The following TBX19 variants were observed in gnomAD, a reference collection of about 807,000 sequenced individuals.
The protein encoded by TBX19 is T-box transcription factor 19, also known as T-box transcription factor TBX19.
A neutral mutation model predicts 40.9 loss-of-function variants in TBX19; 33 were observed. That is an observed-to-expected ratio of 0.81 (90% CI 0.61 to 1.08). TBX19 has a LOEUF of 1.08. Among genes scored for constraint, TBX19 ranks in the 50% least tolerant of loss-of-function variants. The probability of loss-of-function intolerance (pLI) is 0.00; values close to 1 mark genes in which losing one functional copy is unlikely to be tolerated. For missense variants in TBX19, 494 were observed against 574.0 expected, an observed-to-expected ratio of 0.86 and a Z score of 1.42; for synonymous variants, 220 against 225.0, an observed-to-expected ratio of 0.98 and a Z score of 0.20.
rs552488405 is a variant in TBX19, at chr1:168,298,553, A to G, written c.665+768A>G. ...TCGGAGACTTCTGGGGGTATGAGTG[A>G]TGATTCTGCTACTTCGGGGCAGCGA... On this transcript the variant is annotated intron_variant, in intron 4 of 7. Transcript: ENST00000367821. 3.8e-4 allele frequency among the ~76,000 whole-genome samples: 58 copies of G among 152,276 alleles called. 1 individual carries two copies. The highest frequency in any genetic ancestry group is 1.3e-3 in the African/African-American group (53 of 41,542).
intron 7 of TBX19, among the ~76,000 whole-genome samples, chr1:168,312,085 G>A (rs1649538747): frequency 6.6e-6 from 1 of 152,234 alleles, no homozygotes; most frequent in Non-Finnish European, 1.5e-5. Context: ...GCGGAGACCA[G>A]GAATGGAAGA....
At chr1:168,309,287 C>T (rs538046609) in intron 7 of TBX19, among the ~76,000 whole-genome samples, 33 of 152,172 alleles carry the variant, frequency 2.2e-4, no homozygotes, top group East Asian at 2.1e-3. Context: ...GCAGGAGAAT[C>T]GCTTGAACCC....
chr1:168,300,312 TTTCTTA>T, intron 4 of TBX19, 104 bp from the exon 5 acceptor site: 1 of 1,026,508 alleles, frequency 9.7e-7, no homozygotes, highest in South Asian at 1.4e-5. Context: ...GGTGTTTGGT[TTTCTTA>T]TTCTAAGAAA....
At chr1:168,309,839 A>G (rs2102363691) in intron 7 of TBX19, among the ~76,000 whole-genome samples, 1 of 152,328 alleles carries the variant, frequency 6.6e-6, no homozygotes, top group East Asian at 1.9e-4. Context: ...TATCGGTATC[A>G]TGGAAATAAT....
chr1:168,293,284 A>AGTGTTT lies in TBX19; in HGVS notation c.603+10_603+11insTTGTGT, dbSNP rs746785887. On this transcript the variant is annotated splice_region_variant and intron_variant, in intron 3 of 7. Coordinates refer to ENST00000367821, the MANE Select transcript of TBX19 (RefSeq NM_005149.3). ...CTGCCTATCAGAATGAGGAGGTAAG[A>AGTGTTT]GTGTGTGTGTGTGTGTGTGTGTGTG... is the stretch of plus-strand genomic sequence containing the variant. 4.7e-3 allele frequency: 6,267 copies of AGTGTTT among 1,320,636 alleles called. 69 individuals carry two copies. The highest frequency in any genetic ancestry group is 0.033 in the African/African-American group (1,733 of 52,670). 81.8% of individuals were successfully genotyped at this position (1,320,636 alleles called of 1,614,324 possible).
At chr1:168,297,829 T>C (rs1649151330) in intron 4 of TBX19, 44 bp downstream of exon 4, 2 of 1,476,784 alleles carry the variant, frequency 1.4e-6, no homozygotes, top group African/African-American at 1.4e-5. Context: ...GAATGATTTA[T>C]GCAAATACAA....
At chr1:168,301,922 C>T (rs141596599) in intron 5 of TBX19, among the ~76,000 whole-genome samples, 195 of 152,310 alleles carry the variant, frequency 1.3e-3, no homozygotes, top group African/African-American at 4.4e-3. Flanking sequence ...TGAAGCTGCT[C>T]CTCACACTCA....
chr1:168,312,879 G>A lies in TBX19; in HGVS notation c.1224G>A (p.Leu408=), dbSNP rs149058755. 6.2e-7 allele frequency: 1 copy of A among 1,614,234 alleles called. No individual in the cohort carries two copies. The highest frequency in any genetic ancestry group is 8.5e-7 in the Non-Finnish European group (1 of 1,180,038). The change falls in exon 8 of 8, where the codon CTG becomes CTA. Residue 408 remains leucine (L), a synonymous_variant. Transcript: ENST00000367821. The part of the protein sequence containing the change: ...QAPTSAGVEV[L]GEPSLTSIAV... Reference sequence around the variant, plus strand: ...CCACTTCGGCTGGTGTGGAGGTTCTGGGGGAGCCCTCGCTAACCAGCATTG... The same window carrying A: ...CCACTTCGGCTGGTGTGGAGGTTCTAGGGGAGCCCTCGCTAACCAGCATTG...
intron 6 of TBX19, among the ~76,000 whole-genome samples, chr1:168,305,406 TA>T (rs970969407): frequency 4.2e-4 from 53 of 125,752 alleles, no homozygotes; most frequent in Non-Finnish European, 8.4e-4. Flanking sequence ...TAGTTTTTTT[TA>T]AAAAAATTAT....
intron 1 of TBX19, among the ~76,000 whole-genome samples, chr1:168,285,634 A>G (rs1648785975): frequency 6.6e-6 from 1 of 152,074 alleles, no homozygotes; most frequent in South Asian, 2.1e-4. Flanking sequence ...ACCCTGCCAC[A>G]TTTTCCTCTC....
rs1649592731 is a variant in TBX19 at position 168,314,366 on chromosome 1, A to G, written c.*1364A>G. ...CCTAGCCTTCTTGTCTTTGTAACCC[A>G]CAGCAGCTGGTACTGTGCCTTGCCT... On this transcript the variant is annotated 3_prime_UTR_variant, in exon 8 of 8. Coordinates refer to ENST00000367821, the MANE Select transcript of TBX19 (RefSeq NM_005149.3). The G allele has an allele frequency of 6.5e-6, 1 of 152,676 alleles. No individual in the cohort carries two copies. The highest frequency in any genetic ancestry group is 2.4e-5 in the African/African-American group (1 of 41,416). The allele number at this position is 152,676 out of a possible 1,614,324, so 9.5% of individuals were successfully genotyped here.
chr1:168,286,328 A>G (rs983851596), intron 1 of TBX19, among the ~76,000 whole-genome samples: 7 of 152,208 alleles, frequency 4.6e-5, no homozygotes, highest in African/African-American at 1.7e-4. Context: ...TTGTGCATCC[A>G]TCTCCACAAT....
At position 168,285,261 on chromosome 1, in the gene TBX19, T is replaced by TCACACACA. The variant is rs36217752; in HGVS notation, c.203+4000_203+4007dup. 8.1e-5 allele frequency among the ~76,000 whole-genome samples: 12 copies of TCACACACA among 148,062 alleles called. No individual in the cohort carries two copies. In the South Asian group the frequency reaches 1.3e-3, roughly 16 times the overall value. ...TGTCAGCATCCATGCACCATGTATG[T>TCACACACA]CACACACACACACACACACACACAC... On this transcript the variant is annotated intron_variant, in intron 1 of 7. Transcript: ENST00000367821.
At chr1:168,295,183 C>T (rs138322557) in intron 3 of TBX19, among the ~76,000 whole-genome samples, 4,658 of 151,674 alleles carry the variant, frequency 0.031, 189 homozygotes, top group African/African-American at 0.095. Context: ...CCCAGCTACT[C>T]GGGAGGCTGA....
At chr1:168,292,669 C>T (rs1372722113) in intron 2 of TBX19, among the ~76,000 whole-genome samples, 2 of 151,964 alleles carry the variant, frequency 1.3e-5, no homozygotes, top group African/African-American at 4.8e-5. Context: ...TCGAGACCAT[C>T]CTGGCTAATG....
At position 168,312,757 on chromosome 1, in the gene TBX19, G is replaced by A. The variant is rs138278388; in HGVS notation, c.1102G>A (p.Gly368Arg). Reference sequence around the variant, plus strand: ...CAGCAATGGTGCCGGAGGCCCCAGTGGGCCAGGCCCGGAGGTGCACGCCAG... The same window carrying A: ...CAGCAATGGTGCCGGAGGCCCCAGTAGGCCAGGCCCGGAGGTGCACGCCAG... ...TISNGAGGPSGPGPEVHASTP... is the reference protein window; with the variant it reads ...TISNGAGGPSRPGPEVHASTP... The change falls in exon 8 of 8, where the codon GGG becomes AGG. Residue 368 changes from glycine (G) to arginine (R), a missense_variant. Coordinates refer to ENST00000367821, the MANE Select transcript of TBX19 (RefSeq NM_005149.3). The A allele has an allele frequency of 2.5e-5, 40 of 1,614,160 alleles. No homozygotes were observed. In the East Asian group the frequency reaches 8.0e-4, roughly 32 times the overall value.
intron 5 of TBX19, among the ~76,000 whole-genome samples, chr1:168,300,735 C>A (rs752911352): frequency 6.6e-6 from 1 of 152,154 alleles, no homozygotes; most frequent in Non-Finnish European, 1.5e-5. Context: ...ATTTCTTAGA[C>A]TCTGGTTTTC....
chr1:168,306,626 CAAA>C (rs56042823), intron 6 of TBX19, among the ~76,000 whole-genome samples: 6 of 75,286 alleles, frequency 8.0e-5, no homozygotes, highest in Admixed American at 3.4e-4. Context: ...GACGCCATCT[CAAA>C]AAAAAAAAAA....
At position 168,289,731 on chromosome 1, in the gene TBX19, C is replaced by T. The variant is rs532735061; in HGVS notation, c.204-1429C>T. Among the ~76,000 whole-genome samples the T allele has an allele frequency of 5.3e-5, 8 of 152,256 alleles. No individual in the cohort carries two copies. The East Asian group carries it at 5.8e-4, about 11-fold the overall frequency. On this transcript the variant is annotated intron_variant, in intron 1 of 7. Coordinates refer to ENST00000367821, the MANE Select transcript of TBX19 (RefSeq NM_005149.3). ...TAGTGAGTGCTCTGTAAGTGTTGGCCGTATTACCATTACACCCAAGCCCTT... is the reference window on the plus strand; with the variant it reads ...TAGTGAGTGCTCTGTAAGTGTTGGCTGTATTACCATTACACCCAAGCCCTT...
Sources: allele counts gnomAD v4.1 joint callset (sites outside exome capture counted in the v4.1 genomes callset), GRCh38; gene constraint gnomAD v4.1.1; transcripts MANE v1.5; gene names NCBI Gene and HGNC (gene_info 2026-07-23, HGNC 2026-07-21).